Variants in ANAPC7 observed in about 807,000 individuals in gnomAD.
ANAPC7 encodes the protein anaphase promoting complex subunit 7, also known as anaphase-promoting complex subunit 7.
A neutral mutation model predicts 63.3 loss-of-function variants in ANAPC7; 25 were observed. The ratio of observed to expected loss-of-function variants is 0.39; its 90% confidence interval spans 0.29 to 0.55. The LOEUF is 0.55. Among genes scored for constraint, ANAPC7 ranks in the 20% least tolerant of loss-of-function variants. The pLI is 0.57. For synonymous variants in ANAPC7, 241 were observed against 251.7 expected, an observed-to-expected ratio of 0.96 and a Z score of 0.40; for missense variants, 516 against 691.7, an observed-to-expected ratio of 0.75 and a Z score of 2.85.
chr12:110,402,389 G>C (rs2062244099), intron 1 of ANAPC7, among the ~76,000 whole-genome samples: 1 of 151,790 alleles, frequency 6.6e-6, no homozygotes, highest in South Asian at 2.1e-4. Flanking sequence ...GAGTGCAGTG[G>C]TGCTACTTCG....
In ANAPC7 at chr12:110,382,563, CTTTTTA is replaced by C. The variant is rs199834205; in HGVS notation, c.935+274_935+279del. On this transcript the variant is annotated intron_variant, in intron 7 of 10. Transcript: ENST00000455511. ...AATTTCTGGCCTCAAGTAATTACCT[CTTTTTA>C]TTTTTATTTATTTATTTTTGAGACA... Among the ~76,000 whole-genome samples the C allele has an allele frequency of 6.6e-3, 962 of 145,560 alleles. 1 individual carries two copies. The highest frequency in any genetic ancestry group is 9.3e-3 in the Non-Finnish European group (620 of 66,878).
At chr12:110,403,282 A>G (rs2062260119) in intron 1 of ANAPC7, among the ~76,000 whole-genome samples, 1 of 152,112 alleles carries the variant, frequency 6.6e-6, no homozygotes, top group Non-Finnish European at 1.5e-5. Context: ...TCGTCCTCAG[A>G]GCCTCTGCCT....
At chr12:110,392,940 C>T (rs1883227801) in intron 3 of ANAPC7, among the ~76,000 whole-genome samples, 2 of 152,162 alleles carry the variant, frequency 1.3e-5, no homozygotes, top group Admixed American at 6.6e-5. Flanking sequence ...AGATTACAGG[C>T]ATGCGCCACC....
chr12:110,393,697 G>C (rs893352532), intron 3 of ANAPC7, among the ~76,000 whole-genome samples: 1 of 151,746 alleles, frequency 6.6e-6, no homozygotes, highest in African/African-American at 2.4e-5. Context: ...GAGAAACCCA[G>C]TCTCTACTAA....
At position 110,384,316 on chromosome 12, in the gene ANAPC7, G is replaced by A. The variant is rs545675078; in HGVS notation, c.818-1356C>T. On this transcript the variant is annotated intron_variant, in intron 6 of 10. Coordinates refer to ENST00000455511, the MANE Select transcript of ANAPC7 (RefSeq NM_016238.3). ...GGGGGCTAAGGCAGGAGGATTGCTT[G>A]AGCCCAGGAGGTCAAGGCTGCAGTG... Among the ~76,000 whole-genome samples, 6 of 152,240 alleles carry A rather than the reference G, an allele frequency of 3.9e-5. No individual in the cohort carries two copies. The South Asian group carries it at 1.2e-3, about 32-fold the overall frequency.
At chr12:110,377,864 C>T (rs1881432022) in intron 8 of ANAPC7, 3 of 1,369,408 alleles carry the variant, frequency 2.2e-6, no homozygotes, top group Admixed American at 3.0e-5. Context: ...GGGAAGGAAA[C>T]AAGCACATGT....
chr12:110,402,350 G>T (rs1200351002), intron 1 of ANAPC7, among the ~76,000 whole-genome samples: 3 of 146,764 alleles, frequency 2.0e-5, no homozygotes, highest in Non-Finnish European at 3.0e-5. Context: ...TTTTTTTTGA[G>T]ACGGAGTCTC....
At chr12:110,401,307 T>C (rs943734261) in intron 1 of ANAPC7, among the ~76,000 whole-genome samples, 6 of 152,190 alleles carry the variant, frequency 3.9e-5, no homozygotes, top group African/African-American at 1.4e-4. Context: ...TTATTGGATG[T>C]GTGAACTTGG....
At chr12:110,386,546 C>A in intron 5 of ANAPC7, 77 bp from the exon 6 acceptor site, 2 of 1,235,176 alleles carry the variant, frequency 1.6e-6, no homozygotes, top group South Asian at 1.4e-5. Context: ...GATGATTGGT[C>A]ATACAGATAC....
chr12:110,381,952 G>GAAA lies in ANAPC7; in HGVS notation c.936-5_936-4insTTT. On this transcript the variant is annotated splice_polypyrimidine_tract_variant and splice_region_variant and intron_variant, in intron 7 of 10. Coordinates refer to ENST00000455511, the MANE Select transcript of ANAPC7 (RefSeq NM_016238.3). ...TTTGCTATAGAAGCTGTGACAGCTGGAGAAAAAAAAAAAAAAAAAAACACA... is the reference window on the plus strand; with the variant it reads ...TTTGCTATAGAAGCTGTGACAGCTGGAAAAGAAAAAAAAAAAAAAAAAAACACA... The GAAA allele has an allele frequency of 1.8e-5, 10 of 552,818 alleles. No homozygotes were observed. The highest frequency in any genetic ancestry group is 1.1e-4 in the Admixed American group (2 of 17,550). 34.2% of individuals were successfully genotyped at this position (552,818 alleles called of 1,614,324 possible).
Position 110,388,513 on chromosome 12 carries a change from T to A in ANAPC7, c.519A>T (p.Leu173=). 6.2e-7 allele frequency: 1 copy of A among 1,611,720 alleles called. No homozygotes were observed. The highest frequency in any genetic ancestry group is 8.5e-7 in the Non-Finnish European group (1 of 1,177,874). The part of the protein sequence containing the change: ...RQCPLALDAI[L]GLLSLSVKGA... Reference sequence around the variant, plus strand: ...AAAACAGGCAGGAAATATCTCTACCTAGAATGGCATCAAGGGCTAATGGGC... The same window carrying A: ...AAAACAGGCAGGAAATATCTCTACCAAGAATGGCATCAAGGGCTAATGGGC... The change falls in exon 4 of 11, where the codon CTA becomes CTT. Residue 173 remains leucine, a splice_region_variant and synonymous_variant. Transcript: ENST00000455511.
intron 10 of ANAPC7, among the ~76,000 whole-genome samples, 199 bp from the exon 11 acceptor site, chr12:110,374,532 C>A (rs1881077632): frequency 6.6e-6 from 1 of 152,156 alleles, no homozygotes; most frequent in South Asian, 2.1e-4. Context: ...GAGTCTCTTC[C>A]TAATTTTTAG....
intron 6 of ANAPC7, among the ~76,000 whole-genome samples, chr12:110,384,705 CAAAA>C (rs1245931977): frequency 6.6e-6 from 1 of 150,492 alleles, no homozygotes; most frequent in African/African-American, 2.4e-5. Flanking sequence ...ACAAAAAAAA[CAAAA>C]AACCAAAGGA....
At chr12:110,387,009 C>G (rs1440597314) in intron 5 of ANAPC7, 3 of 152,346 alleles carry the variant, frequency 2.0e-5, no homozygotes, top group Non-Finnish European at 2.9e-5. Flanking sequence ...GTGGGAGAAT[C>G]ACTTGAGCCC....
At position 110,395,094 on chromosome 12, in the gene ANAPC7, AACTT is replaced by A. The variant is rs1310497911; in HGVS notation, c.408+3_408+6del. ...TGAGGAGAAAAACACATAAACATTCAACTTACTTTGGGAGTTCTTTGTCTTGAAG... is the reference window on the plus strand; with the variant it reads ...TGAGGAGAAAAACACATAAACATTCAACTTTGGGAGTTCTTTGTCTTGAAG... On this transcript the variant is annotated splice_donor_5th_base_variant and intron_variant, in intron 3 of 10. Transcript: ENST00000455511. 6.2e-7 allele frequency: 1 copy of A among 1,611,544 alleles called. No homozygotes were observed. The highest frequency in any genetic ancestry group is 1.7e-5 in the Admixed American group (1 of 59,218).
chr12:110,399,320 G>A (rs1030888970), intron 1 of ANAPC7, among the ~76,000 whole-genome samples: 35 of 149,214 alleles, frequency 2.3e-4, no homozygotes, highest in African/African-American at 7.3e-4. Context: ...GCGCCCAGCC[G>A]AGTCGAATAA....
chr12:110,380,449 G>A (rs1026104823), intron 8 of ANAPC7, among the ~76,000 whole-genome samples: 12 of 151,476 alleles, frequency 7.9e-5, no homozygotes, highest in East Asian at 1.9e-4. Context: ...TCAGGAGTTC[G>A]AGACCAGCCT....
chr12:110,391,740 A>G (rs775948214), intron 3 of ANAPC7, among the ~76,000 whole-genome samples: 3 of 152,204 alleles, frequency 2.0e-5, no homozygotes, highest in Non-Finnish European at 2.9e-5. Context: ...GGTCATTATG[A>G]AGGAGATTAT....
intron 3 of ANAPC7, among the ~76,000 whole-genome samples, chr12:110,390,405 G>A (rs1429993985): frequency 6.6e-6 from 1 of 152,038 alleles, no homozygotes; most frequent in Non-Finnish European, 1.5e-5. Context: ...AACAGTATTT[G>A]CTAGATCATT....
Sources: gnomAD v4.1 joint callset for allele counts (sites outside exome capture counted in the v4.1 genomes callset) on GRCh38, gnomAD v4.1.1 for gene constraint, MANE v1.5 for transcripts, NCBI Gene and HGNC (gene_info 2026-07-23, HGNC 2026-07-21) for gene names.